The following TINAG variants were observed in gnomAD, a reference collection of about 807,000 sequenced individuals.
TINAG encodes tubulointerstitial nephritis antigen.
A neutral mutation model predicts 72.7 loss-of-function variants in TINAG; 83 were observed. The observed-to-expected ratio is 1.14, with a 90% CI of 0.96 to 1.37. The LOEUF is 1.37. TINAG is among the 40% of genes most tolerant of loss of function. The probability of loss-of-function intolerance (pLI) is 0.00; values close to 1 mark genes in which losing one functional copy is unlikely to be tolerated. For synonymous variants in TINAG, 234 were observed against 189.9 expected, an observed-to-expected ratio of 1.23 and a Z score of -1.91; for missense variants, 685 against 576.6, an observed-to-expected ratio of 1.19 and a Z score of -1.93.
intron 4 of TINAG, among the ~76,000 whole-genome samples, chr6:54,336,863 A>G (rs1315769877): frequency 2.0e-5 from 3 of 152,104 alleles, no homozygotes; most frequent in Admixed American, 6.5e-5. Flanking sequence ...AAAATAATCT[A>G]AAATTGTTTG....
At position 54,385,879 on chromosome 6, in the gene TINAG, A is replaced by ATTTTTT. The variant is rs557831982; in HGVS notation, c.1297-3892_1297-3887dup. On this transcript the variant is annotated intron_variant, in intron 10 of 10. Transcript: ENST00000259782. ...AGAGTCAAGGAGAAAAAAAAACATG[A>ATTTTTT]TTTTTTTTTTTTTTTTTTTTTTTTT... Among the ~76,000 whole-genome samples, 17 of 80,756 alleles carry ATTTTTT rather than the reference A, an allele frequency of 2.1e-4. 2 individuals carry two copies. Among genetic ancestry groups the ATTTTTT allele is most frequent in the African/African-American group, 7.1e-4 (13 of 18,384 alleles). The allele number at this position is 80,756 out of a possible 152,430, so 53.0% of individuals were successfully genotyped here. A position where few individuals can be genotyped will look rare whatever the true frequency, so the allele number is the denominator to read the frequency against.
intron 4 of TINAG, among the ~76,000 whole-genome samples, chr6:54,330,534 C>T (rs80042303): frequency 6.6e-6 from 1 of 152,076 alleles, no homozygotes; most frequent in Admixed American, 6.6e-5. Context: ...CCTAATATCA[C>T]AGTTAAAAGA....
At chr6:54,344,978 AT>A (rs1438006161) in intron 5 of TINAG, among the ~76,000 whole-genome samples, 3 of 152,244 alleles carry the variant, frequency 2.0e-5, no homozygotes, top group Non-Finnish European at 4.4e-5. Context: ...ATACAATTGA[AT>A]AAATAAGACT....
rs745676068 is a variant in TINAG at position 54,326,882 on chromosome 6, C to T, written c.590C>T (p.Pro197Leu). 5 of 1,612,860 alleles carry T rather than the reference C, an allele frequency of 3.1e-6. No homozygotes were observed. The highest frequency in any genetic ancestry group is 4.2e-6 in the Non-Finnish European group (5 of 1,179,772). Residue 197 changes from proline (P) to leucine (L), a missense_variant, in exon 4 of 11, where the codon CCT (proline) becomes CTT (leucine). Physicochemically the swap from Pro to Leu is moderately conservative, Grantham distance 98. Transcript: ENST00000259782. ...AAATTTCGCCTTGGCACTTTGCCAC[C>T]TAGTCCCATGCTCCTGAGCATGAAT... ...GFKFRLGTLP[P>L]SPMLLSMNEM...
intron 8 of TINAG, among the ~76,000 whole-genome samples, chr6:54,352,170 G>T (rs892586104): frequency 6.6e-6 from 1 of 151,586 alleles, no homozygotes; most frequent in Non-Finnish European, 1.5e-5. Flanking sequence ...TGAAGGGCCC[G>T]GAATATATTA....
intron 10 of TINAG, among the ~76,000 whole-genome samples, chr6:54,383,283 C>T (rs1764004114): frequency 6.6e-6 from 1 of 152,050 alleles, no homozygotes; most frequent in Admixed American, 6.6e-5. Flanking sequence ...TTCAAGAGCA[C>T]TGAGAAATCT....
Position 54,349,883 on chromosome 6 carries a change from G to T in TINAG, c.1067G>T (p.Arg356Ile). The T allele has an allele frequency of 1.3e-6, 2 of 1,574,788 alleles. No individual in the cohort carries two copies. The highest frequency in any genetic ancestry group is 8.6e-7 in the Non-Finnish European group (1 of 1,156,854). The change falls in exon 7 of 11, where the codon AGA (arginine) becomes ATA (isoleucine). Residue 356 changes from arginine (R) to isoleucine (I), a missense_variant. Arg to Ile is a moderately conservative substitution (Grantham distance 97). Coordinates refer to ENST00000259782, the MANE Select transcript of TINAG (RefSeq NM_014464.4). The part of the protein sequence containing the change: ...NRIYQCSPPY[R>I]VSSNETEIMK... ...ATCTATCAATGTTCTCCTCCATACA[G>T]AGTCTCTTCCAACGTAAGTATAAAT...
intron 1 of TINAG, among the ~76,000 whole-genome samples, chr6:54,314,426 G>A (rs1582692261): frequency 6.6e-6 from 1 of 152,052 alleles, no homozygotes; most frequent in East Asian, 1.9e-4. Context: ...GCACAGATGA[G>A]CACCTCTGTT....
At chr6:54,353,857 C>T (rs1006048643) in intron 8 of TINAG, among the ~76,000 whole-genome samples, 1 of 151,786 alleles carries the variant, frequency 6.6e-6, no homozygotes, top group African/African-American at 2.4e-5. Flanking sequence ...AGTTTAAAGG[C>T]TTCACCCTGA....
At chr6:54,361,475 A>G (rs1159887101) in intron 9 of TINAG, among the ~76,000 whole-genome samples, 1 of 151,522 alleles carries the variant, frequency 6.6e-6, no homozygotes, top group Non-Finnish European at 1.5e-5. Flanking sequence ...AGTGCTACAC[A>G]CTTTTTAAAC....
intron 4 of TINAG, among the ~76,000 whole-genome samples, chr6:54,327,604 A>C (rs933739939): frequency 6.6e-6 from 1 of 151,946 alleles, no homozygotes; most frequent in Non-Finnish European, 1.5e-5. Context: ...AGTGAGACAG[A>C]ACCATTCACT....
intron 7 of TINAG, among the ~76,000 whole-genome samples, chr6:54,350,773 T>C (rs1785247271): frequency 6.6e-6 from 1 of 151,396 alleles, no homozygotes. Context: ...CACTTTGCGC[T>C]TGTCTCTACA....
chr6:54,342,197 G>A lies in TINAG; in HGVS notation c.625-1029G>A, dbSNP rs560897745. ...TTTAGAAAAGTTTGGGAAATAACAG[G>A]TTATAGTGTTCTAGATTTTCTTTGA... is the stretch of plus-strand genomic sequence containing the variant. On this transcript the variant is annotated intron_variant, in intron 4 of 10. Coordinates refer to ENST00000259782, the MANE Select transcript of TINAG (RefSeq NM_014464.4). Among the ~76,000 whole-genome samples the A allele has an allele frequency of 5.3e-5, 8 of 152,166 alleles. No individual in the cohort carries two copies. The South Asian group carries it at 1.7e-3, about 32-fold the overall frequency.
rs577244174 is a variant in TINAG at position 54,322,587 on chromosome 6, C to T, written c.509+1201C>T. On this transcript the variant is annotated intron_variant, in intron 3 of 10. Transcript: ENST00000259782. Reference sequence around the variant, plus strand: ...TTTTATAAAATGGAAGTGTAATCTCCTTCCACATATAACATGTTGTTTCCC... The same window carrying T: ...TTTTATAAAATGGAAGTGTAATCTCTTTCCACATATAACATGTTGTTTCCC... Among the ~76,000 whole-genome samples, 7 of 152,282 alleles carry T rather than the reference C, an allele frequency of 4.6e-5. No individual in the cohort carries two copies. In the South Asian group the frequency reaches 6.2e-4, roughly 14 times the overall value.
intron 3 of TINAG, among the ~76,000 whole-genome samples, chr6:54,323,680 G>C (rs9474802): frequency 7.9e-5 from 12 of 152,276 alleles, no homozygotes; most frequent in Admixed American, 3.3e-4. Context: ...TTGGCCTGGC[G>C]AAGTGGCTTA....
chr6:54,371,980 TG>T (rs1763624414), intron 9 of TINAG, among the ~76,000 whole-genome samples: 2 of 118,018 alleles, frequency 1.7e-5, no homozygotes, highest in Non-Finnish European at 3.6e-5. Context: ...TTTCAAGTCA[TG>T]TTTTTTTTTT....
chr6:54,333,360 G>C (rs1294003292), intron 4 of TINAG, among the ~76,000 whole-genome samples: 1 of 151,800 alleles, frequency 6.6e-6, no homozygotes, highest in Non-Finnish European at 1.5e-5. Flanking sequence ...AGCAAACTAA[G>C]ACAGGAACAG....
intron 9 of TINAG, among the ~76,000 whole-genome samples, chr6:54,368,964 T>C (rs958600434): frequency 1.3e-5 from 2 of 151,876 alleles, no homozygotes; most frequent in Non-Finnish European, 2.9e-5. Context: ...TGATATACAA[T>C]ATATGAAATA....
At chr6:54,369,819 T>C (rs560416070) in intron 9 of TINAG, 15 of 152,094 alleles carry the variant, frequency 9.9e-5, no homozygotes, top group Non-Finnish European at 1.9e-4. Flanking sequence ...TAAATGATTA[T>C]AGGGTTAAAC....
Sources: allele counts gnomAD v4.1 joint callset (sites outside exome capture counted in the v4.1 genomes callset), GRCh38; gene constraint gnomAD v4.1.1; transcripts MANE v1.5; gene names NCBI Gene and HGNC (gene_info 2026-07-23, HGNC 2026-07-21).